Variants in AFG3L2 observed in about 807,000 individuals in gnomAD.
AFG3L2 encodes mitochondrial inner membrane m-AAA protease component AFG3L2.
Under a neutral mutation model 94.5 loss-of-function variants are expected in AFG3L2, and 54 were observed. That is an observed-to-expected ratio of 0.57 (90% CI 0.46 to 0.72). AFG3L2 has a LOEUF of 0.72. Ranked by LOEUF, AFG3L2 falls within the 30% of genes least tolerant of loss-of-function variation. AFG3L2 has a pLI of 0.00. For synonymous variants in AFG3L2, 377 were observed against 365.5 expected (o/e 1.03, Z -0.36); for missense variants, 754 against 994.9 (o/e 0.76, Z 3.26).
chr18:12,376,536 C>G (rs887290961), intron 1 of AFG3L2, among the ~76,000 whole-genome samples: 2 of 152,242 alleles, frequency 1.3e-5, no homozygotes, highest in African/African-American at 2.4e-5. Flanking sequence ...CCCCATTCAA[C>G]AGACGGGAAC....
Position 12,337,406 on chromosome 18 carries a change from G to A in AFG3L2, c.2110C>T (p.Leu704Phe). 6.2e-7 allele frequency: 1 copy of A among 1,614,074 alleles called. No homozygotes were observed. Among genetic ancestry groups the A allele is most frequent in the South Asian group, 1.1e-5 (1 of 91,086 alleles). The change falls in exon 16 of 17, where the codon CTT (leucine) becomes TTT (phenylalanine). Residue 704 changes from leucine to phenylalanine, a missense_variant. By Grantham distance (22) the Leu-to-Phe change is conservative. Around this residue, in one of 4 missense-constraint regions of AFG3L2, gnomAD observed 279 missense variants for 378.6 expected, o/e 0.74. Transcript: ENST00000269143. ...GTTCTTTTATAAGCATCATTAATAA[G>A]TATTCGTACTTCATCATCTATCAAT... ...ARLIDDEVRI[L>F]INDAYKRTVA...
At chr18:12,345,115 C>T (rs1908091823) in intron 13 of AFG3L2, among the ~76,000 whole-genome samples, 1 of 152,232 alleles carries the variant, frequency 6.6e-6, no homozygotes, top group South Asian at 2.1e-4. Context: ...GCCAGCCAGG[C>T]TGATGCTGGC....
At position 12,367,070 on chromosome 18, in the gene AFG3L2, C is replaced by A; in HGVS notation, c.447G>T (p.Trp149Cys). Reference protein sequence around the residue: ...DDKDFRMFFLWTALFWGGVMF... With the variant: ...DDKDFRMFFLCTALFWGGVMF... The stretch of plus-strand genomic sequence containing the variant: ...TGACTCCACCCCAGAACAGAGCAGT[C>A]CAGAGGAAGAACATCCTGAAATCCT... Residue 149 changes from tryptophan (W) to cysteine (C), a missense_variant, in exon 5 of 17, where the codon TGG (tryptophan) becomes TGT (cysteine). Transcript: ENST00000269143. 1 of 1,614,210 alleles carries A rather than the reference C, an allele frequency of 6.2e-7. No homozygotes were observed. Among genetic ancestry groups the A allele is most frequent in the Non-Finnish European group, 8.5e-7 (1 of 1,180,044 alleles).
chr18:12,333,432 AC>A (rs1199162565), intron 16 of AFG3L2, among the ~76,000 whole-genome samples: 2 of 148,384 alleles, frequency 1.3e-5, no homozygotes, highest in East Asian at 3.9e-4. Flanking sequence ...ATCACAGCTC[AC>A]TGTAGCCTCT....
chr18:12,333,188 TA>T lies in AFG3L2; in HGVS notation c.2176-3406del, dbSNP rs1568132239. Among the ~76,000 whole-genome samples, 491 of 118,040 alleles carry T rather than the reference TA, an allele frequency of 4.2e-3. 8 individuals are homozygous for T. Among genetic ancestry groups the T allele is most frequent in the African/African-American group, 0.016 (453 of 28,338 alleles). 77.4% of individuals were successfully genotyped at this position (118,040 alleles called of 152,430 possible). ...ATATAATAATAGATAATATAATAAA[TA>T]ATATATATAATAATCTAATATATAA... On this transcript the variant is annotated intron_variant, in intron 16 of 16. Coordinates refer to ENST00000269143, the MANE Select transcript of AFG3L2 (RefSeq NM_006796.3).
chr18:12,362,818 C>T (rs528187158), intron 6 of AFG3L2, among the ~76,000 whole-genome samples: 17 of 143,582 alleles, frequency 1.2e-4, no homozygotes, highest in Non-Finnish European at 1.5e-4. Context: ...CACATCCCTA[C>T]TTTCTCCCTA....
chr18:12,376,938 G>A (rs1402158070), intron 1 of AFG3L2, 31 bp downstream of exon 1: 2 of 1,388,190 alleles, frequency 1.4e-6, no homozygotes, highest in Non-Finnish European at 1.9e-6. Context: ...GAGGCAGGGT[G>A]GAGGGCGCCG....
intron 5 of AFG3L2, among the ~76,000 whole-genome samples, chr18:12,366,018 G>C (rs900724067): frequency 6.6e-6 from 1 of 151,986 alleles, no homozygotes; most frequent in Non-Finnish European, 1.5e-5. Flanking sequence ...GGGACTACAG[G>C]CACGTGCCAC....
intron 1 of AFG3L2, among the ~76,000 whole-genome samples, chr18:12,373,267 G>C (rs1568147974): frequency 1.3e-5 from 2 of 152,142 alleles, no homozygotes; most frequent in African/African-American, 4.8e-5. Flanking sequence ...CAACATAAGA[G>C]TTTTTTTCCA....
At chr18:12,363,660 T>TG in intron 6 of AFG3L2, 122 bp downstream of exon 6, 1 of 773,738 alleles carries the variant, frequency 1.3e-6, no homozygotes, top group Non-Finnish European at 2.3e-6. Context: ...CCTGCCACAC[T>TG]GCCCAGTTCT....
chr18:12,376,994 G>A lies in AFG3L2; in HGVS notation c.89C>T (p.Pro30Leu), dbSNP rs886053617. 2.1e-6 allele frequency: 3 copies of A among 1,460,688 alleles called. No individual in the cohort carries two copies. The highest frequency in any genetic ancestry group is 2.4e-5 in the Admixed American group (1 of 41,676). 90.5% of individuals were successfully genotyped at this position (1,460,688 alleles called of 1,614,324 possible). ...CGTCCGGAGGCAGGGCTGCTCGCCCGGGCCCACGCCGCCAGGCACGAGGAG... is the reference window on the plus strand; with the variant it reads ...CGTCCGGAGGCAGGGCTGCTCGCCCAGGCCCACGCCGCCAGGCACGAGGAG... ...QQLLVPGGVGPGEQPCLRTLY... is the reference protein window; with the variant it reads ...QQLLVPGGVGLGEQPCLRTLY... Residue 30 changes from proline (P) to leucine (L), a missense_variant, in exon 1 of 17, where the codon CCG becomes CTG. Coordinates refer to ENST00000269143, the MANE Select transcript of AFG3L2 (RefSeq NM_006796.3).
intron 1 of AFG3L2, among the ~76,000 whole-genome samples, chr18:12,374,491 A>G (rs1212160385): frequency 6.6e-6 from 1 of 152,206 alleles, no homozygotes; most frequent in Non-Finnish European, 1.5e-5. Flanking sequence ...ACTCCCTCAC[A>G]GCACAGTAAT....
intron 16 of AFG3L2, among the ~76,000 whole-genome samples, chr18:12,336,075 G>A (rs1907732870): frequency 6.6e-6 from 1 of 152,216 alleles, no homozygotes. Flanking sequence ...GGCCAAGCTA[G>A]CTTCGGGAGG....
intron 16 of AFG3L2, among the ~76,000 whole-genome samples, chr18:12,333,124 TTA>T (rs577723517): frequency 0.18 from 17,414 of 98,438 alleles, 2,149 homozygotes; most frequent in Non-Finnish European, 0.25. Flanking sequence ...ATATAATAGA[TTA>T]TATATATAAT....
At chr18:12,333,205 T>C (rs1907630508) in intron 16 of AFG3L2, among the ~76,000 whole-genome samples, 1 of 121,882 alleles carries the variant, frequency 8.2e-6, no homozygotes, top group Non-Finnish European at 1.6e-5. Context: ...TATAATAATC[T>C]AATATATAAT....
intron 7 of AFG3L2, among the ~76,000 whole-genome samples, chr18:12,359,357 G>C (rs1908587850): frequency 6.6e-6 from 1 of 152,060 alleles, no homozygotes; most frequent in Non-Finnish European, 1.5e-5. Context: ...TCAATGCATT[G>C]AATGTTAATA....
rs1012146602 is a variant in AFG3L2 at position 12,377,139 on chromosome 18, A to G, written c.-57T>C. ...GCTGCGCAGGCGCGGGCAGGCGACGACTGGCGGCCTCGGGAAGCGGGCTCG... is the reference window on the plus strand; with the variant it reads ...GCTGCGCAGGCGCGGGCAGGCGACGGCTGGCGGCCTCGGGAAGCGGGCTCG... On this transcript the variant is annotated 5_prime_UTR_variant, in exon 1 of 17. Transcript: ENST00000269143. 1 of 1,272,762 alleles carries G rather than the reference A, an allele frequency of 7.9e-7. No homozygotes were observed. The highest frequency in any genetic ancestry group is 1.0e-6 in the Non-Finnish European group (1 of 969,608). The allele number at this position is 1,272,762 out of a possible 1,614,324, so 78.8% of individuals were successfully genotyped here. A position where few individuals can be genotyped will look rare whatever the true frequency, so the allele number is the denominator to read the frequency against.
At chr18:12,336,334 G>A (rs1244376306) in intron 16 of AFG3L2, among the ~76,000 whole-genome samples, 1 of 152,166 alleles carries the variant, frequency 6.6e-6, no homozygotes, top group Non-Finnish European at 1.5e-5. Flanking sequence ...TTGCATTTCT[G>A]ACAACCAATG....
intron 14 of AFG3L2, 126 bp from the exon 15 acceptor site, chr18:12,340,527 A>T: frequency 5.1e-6 from 4 of 788,826 alleles, no homozygotes; most frequent in Non-Finnish European, 6.7e-6. Context: ...CATCAGCCTT[A>T]GTGGGATGTG....
Sources: gnomAD v4.1 joint callset for allele counts (sites outside exome capture counted in the v4.1 genomes callset) on GRCh38, gnomAD v4.1.1 for gene constraint, gnomAD v4.1.1 regional missense constraint, MANE v1.5 for transcripts, NCBI Gene and HGNC (gene_info 2026-07-23, HGNC 2026-07-21) for gene names.